PELP1: variants seen among roughly 807,000 people sequenced by gnomAD.
PELP1 encodes proline-, glutamic acid- and leucine-rich protein 1.
In PELP1, 32 loss-of-function variants were observed where a neutral mutation model predicts 95.5. The ratio of observed to expected loss-of-function variants is 0.34; its 90% CI spans 0.25 to 0.45. The LOEUF (loss-of-function observed/expected upper bound fraction) is 0.45, where lower values mean the gene tolerates loss of function less well. Ranked by LOEUF, PELP1 falls within the 20% of genes least tolerant of loss-of-function variation. The pLI is 1.00. For missense variants in PELP1, 1,358 were observed against 1,444.8 expected (o/e 0.94, Z 0.97); for synonymous variants, 668 against 600.1 (o/e 1.11, Z -1.65).
At position 4,671,324 on chromosome 17, in the gene PELP1, C is replaced by T. The variant is rs1912188964; in HGVS notation, c.*115G>A. 2 of 689,786 alleles carry T rather than the reference C, an allele frequency of 2.9e-6. No homozygotes were observed. Among genetic ancestry groups the T allele is most frequent in the African/African-American group, 1.8e-5 (1 of 56,524 alleles). 42.7% of individuals were successfully genotyped at this position (689,786 alleles called of 1,614,324 possible). ...GAATACTATGGACACCCTGAAAAGC[C>T]CAGCAGACACTTGAGCTTCTGGCTG... is the stretch of plus-strand genomic sequence containing the variant. On this transcript the variant is annotated 3_prime_UTR_variant, in exon 17 of 17. Coordinates refer to ENST00000572293, the MANE Select transcript of PELP1 (RefSeq NM_014389.3).
chr17:4,676,708 C>G, intron 6 of PELP1, 45 bp downstream of exon 6: 3 of 1,509,876 alleles, frequency 2.0e-6, no homozygotes, highest in Non-Finnish European at 2.7e-6. Flanking sequence ...AGAGACAATC[C>G]AGGCTCAGAT....
intron 3 of PELP1, among the ~76,000 whole-genome samples, chr17:4,683,388 T>G (rs536535175): frequency 6.4e-4 from 97 of 151,678 alleles, no homozygotes; most frequent in African/African-American, 2.2e-3. Flanking sequence ...GCCTGACTAA[T>G]TTTTTGTATT....
chr17:4,678,985 AG>A (rs1056776420), intron 5 of PELP1, among the ~76,000 whole-genome samples: 5 of 151,924 alleles, frequency 3.3e-5, no homozygotes, highest in Admixed American at 2.0e-4. Context: ...CAACCGACAA[AG>A]CCAAAACCCT....
intron 1 of PELP1, among the ~76,000 whole-genome samples, chr17:4,697,092 G>C (rs749618563): frequency 1.3e-5 from 2 of 152,194 alleles, no homozygotes; most frequent in Non-Finnish European, 2.9e-5. Flanking sequence ...AAGGGAATAA[G>C]AGTAAAGAGA....
chr17:4,676,801 G>A lies in PELP1; in HGVS notation c.654C>T (p.Ala218=). ...RACGSLKGKL[A]SFFLSRVDAL... ...CATCCACCCTAGACAGAAAAAATGA[G>A]GCCAGCTTGCCCTGGATGTGGAGGA... The change falls in exon 6 of 17, where the codon GCC becomes GCT. Residue 218 remains alanine, a synonymous_variant. Coordinates refer to ENST00000572293, the MANE Select transcript of PELP1 (RefSeq NM_014389.3). 1.3e-6 allele frequency: 2 copies of A among 1,566,024 alleles called. No homozygotes were observed. Among genetic ancestry groups the A allele is most frequent in the Non-Finnish European group, 1.7e-6 (2 of 1,154,870 alleles).
chr17:4,681,086 G>A (rs999596604), intron 5 of PELP1, among the ~76,000 whole-genome samples: 1 of 152,150 alleles, frequency 6.6e-6, no homozygotes, highest in Non-Finnish European at 1.5e-5. Flanking sequence ...AGCGACAGAG[G>A]GAGTTTAAAC....
At position 4,673,580 on chromosome 17, in the gene PELP1, C is replaced by A. The variant is rs1912329793; in HGVS notation, c.1638+39G>T. ...CCCCCCAATGTGTACAGAGCAGGGG[C>A]CCCTTCCCCTATCTCCACGGAGACG... is the stretch of plus-strand genomic sequence containing the variant. On this transcript the variant is annotated intron_variant, in intron 14 of 16. Transcript: ENST00000572293. This position sits in a 1 kb window ranked among gnomAD's most constrained non-coding sequence, Gnocchi z 5.7. 4 of 1,603,546 alleles carry A rather than the reference C, an allele frequency of 2.5e-6. No individual in the cohort carries two copies. In the Admixed American group the frequency reaches 6.7e-5, roughly 27 times the overall value.
rs1912729927 is a variant in PELP1, at chr17:4,682,577, T to C, written c.571-4A>G. The C allele has an allele frequency of 1.2e-6, 2 of 1,610,262 alleles. No individual in the cohort carries two copies. Among genetic ancestry groups the C allele is most frequent in the East Asian group, 2.2e-5 (1 of 44,854 alleles). ...CTTCCAATGCTGACTGCTCACACTGTAGGAAAAACAAAGGGAGAAACGAGA... is the reference window on the plus strand; with the variant it reads ...CTTCCAATGCTGACTGCTCACACTGCAGGAAAAACAAAGGGAGAAACGAGA... On this transcript the variant is annotated splice_region_variant and splice_polypyrimidine_tract_variant and intron_variant, in intron 4 of 16. Coordinates refer to ENST00000572293, the MANE Select transcript of PELP1 (RefSeq NM_014389.3).
chr17:4,675,139 A>G lies in PELP1; in HGVS notation c.1214T>C (p.Val405Ala). 3 of 1,613,804 alleles carry G rather than the reference A, an allele frequency of 1.9e-6. No individual in the cohort carries two copies. Residue 405 changes from valine to alanine, a missense_variant, in exon 11 of 17, where the codon GTC (valine) becomes GCC (alanine). Val to Ala is a moderately conservative substitution (Grantham distance 64). Transcript: ENST00000572293. The surrounding 1 kb of genome is among the most constrained non-coding windows in gnomAD (Gnocchi z 4.3). ...GILIGRLLPQ[V>A]LNSWSIGRDS... The stretch of plus-strand genomic sequence containing the variant: ...TCTACCGATGCTCCAGGAATTGAGG[A>G]CCTGGGGAAGCAGGCGGCCGATCAG...
intron 4 of PELP1, 101 bp downstream of exon 4, chr17:4,682,702 C>A: frequency 1.4e-6 from 2 of 1,458,762 alleles, no homozygotes; most frequent in Non-Finnish European, 1.9e-6. Context: ...CTTCTCACTT[C>A]TTCAATCCTA....
rs952516146 is a variant in PELP1 at position 4,676,450 on chromosome 17, G to A, written c.760C>T (p.Leu254=). Residue 254 remains leucine, a synonymous_variant, in exon 7 of 17, where the codon CTG becomes TTG. Coordinates refer to ENST00000572293, the MANE Select transcript of PELP1 (RefSeq NM_014389.3). ...PSLGAGFSQG[L]KHTESWEQEL... ...TGCTCCCAGCTCTCGGTGTGCTTCA[G>A]GCCTTGGGAAAAGCCAGCCCCTAAA... 4 of 1,613,632 alleles carry A rather than the reference G, an allele frequency of 2.5e-6. No individual in the cohort carries two copies. The African/African-American group carries it at 5.3e-5, about 22-fold the overall frequency.
chr17:4,671,553 G>T, intron 16 of PELP1, 22 bp from the exon 17 acceptor site: 3 of 1,613,174 alleles, frequency 1.9e-6, no homozygotes, highest in Non-Finnish European at 2.5e-6. Flanking sequence ...AAAGATACAA[G>T]ATTCAGAATA....
intron 3 of PELP1, among the ~76,000 whole-genome samples, chr17:4,686,810 G>A (rs538822090): frequency 9.9e-5 from 15 of 152,162 alleles, no homozygotes; most frequent in African/African-American, 3.6e-4. Flanking sequence ...GAGCCACCAC[G>A]CCTGGCCTCA....
intron 5 of PELP1, among the ~76,000 whole-genome samples, chr17:4,680,561 A>T (rs912985956): frequency 6.6e-6 from 1 of 152,182 alleles, no homozygotes; most frequent in Non-Finnish European, 1.5e-5. Flanking sequence ...TACAGGCATG[A>T]GCCACCACGC....
Position 4,703,938 on chromosome 17 carries a change from G to A in PELP1, c.174C>T (p.Pro58=). 6.2e-7 allele frequency: 1 copy of A among 1,613,596 alleles called. No individual in the cohort carries two copies. The highest frequency in any genetic ancestry group is 8.5e-7 in the Non-Finnish European group (1 of 1,179,750). ...GCAAATGTGGGGCCGAGCGGTTTGG[G>A]GGATGCACCGGAGCAACGGCAGACC... ...RTGSAVAPVH[P]PNRSAPHLPG... The change falls in exon 1 of 17, where the codon CCC becomes CCT. Residue 58 remains proline (P), a synonymous_variant. Coordinates refer to ENST00000572293, the MANE Select transcript of PELP1 (RefSeq NM_014389.3).
chr17:4,672,743 T>G lies in PELP1; in HGVS notation c.2248A>C (p.Ile750Leu). 1 of 1,613,312 alleles carries G rather than the reference T, an allele frequency of 6.2e-7. No homozygotes were observed. The highest frequency in any genetic ancestry group is 8.5e-7 in the Non-Finnish European group (1 of 1,179,562). Residue 750 changes from isoleucine (I) to leucine (L), a missense_variant, in exon 16 of 17, where the codon ATA (isoleucine) becomes CTA (leucine). Ile to Leu is a conservative substitution (Grantham distance 5). Coordinates refer to ENST00000572293, the MANE Select transcript of PELP1 (RefSeq NM_014389.3). The stretch of plus-strand genomic sequence containing the variant: ...CCCCCAAAAGTTTCATCTGGGGGTA[T>G]AGTAGGTGGGGGAGTCCCACTAGGG... ...LAPSGTPPPT[I>L]PPDETFGGRV...
In PELP1 at chr17:4,676,160, G is replaced by A. The variant is rs867025576; in HGVS notation, c.856C>T (p.Pro286Ser). ...GALYEGAETAPVQNEGPGVEM... is the reference protein window; with the variant it reads ...GALYEGAETASVQNEGPGVEM... ...ACCCCAGGGCCTTCATTCTGCACAG[G>A]AGCTGGCAGAAGCACAACTACCCTG... The change falls in exon 8 of 17, where the codon CCT becomes TCT. Residue 286 changes from proline (P) to serine (S), a missense_variant and splice_region_variant. By Grantham distance (74) the Pro-to-Ser change is moderately conservative (BLOSUM62 -1). Coordinates refer to ENST00000572293, the MANE Select transcript of PELP1 (RefSeq NM_014389.3). 1 of 1,613,750 alleles carries A rather than the reference G, an allele frequency of 6.2e-7. No homozygotes were observed. The highest frequency in any genetic ancestry group is 8.5e-7 in the Non-Finnish European group (1 of 1,179,768).
intron 5 of PELP1, 54 bp from the exon 6 acceptor site, chr17:4,676,866 G>C: frequency 7.5e-7 from 1 of 1,336,412 alleles, no homozygotes; most frequent in Non-Finnish European, 1.1e-6. Flanking sequence ...GAGAGCCAGA[G>C]ATGTACATCC....
intron 3 of PELP1, among the ~76,000 whole-genome samples, chr17:4,687,248 C>T (rs1350374313): frequency 1.3e-5 from 2 of 152,116 alleles, no homozygotes; most frequent in East Asian, 3.9e-4. Context: ...TATAATTATT[C>T]AATTAAAGTA....
Sources: allele counts gnomAD v4.1 joint callset (sites outside exome capture counted in the v4.1 genomes callset), GRCh38; gene constraint gnomAD v4.1.1; non-coding constraint Gnocchi (gnomAD v3.1); transcripts MANE v1.5; gene names NCBI Gene and HGNC (gene_info 2026-07-23, HGNC 2026-07-21).